The following NRCAM variants were observed in gnomAD, a reference collection of about 807,000 sequenced individuals.
The protein encoded by NRCAM is neuronal cell adhesion molecule.
NRCAM carries 83 observed loss-of-function variants against 156.5 expected under a neutral mutation model. The ratio of observed to expected loss-of-function variants is 0.53; its 90% confidence interval spans 0.44 to 0.64. NRCAM has a LOEUF of 0.64. Among genes scored for constraint, NRCAM ranks in the 30% least tolerant of loss-of-function variants. The probability of loss-of-function intolerance (pLI) is 0.00; values close to 1 mark genes in which losing one functional copy is unlikely to be tolerated. For synonymous variants in NRCAM, 538 were observed against 563.9 expected, an observed-to-expected ratio of 0.95 and a Z score of 0.65; for missense variants, 1,417 against 1,597.3, an observed-to-expected ratio of 0.89 and a Z score of 1.92.
At chr7:108,419,950 A>G (rs1054069725) in intron 1 of NRCAM, among the ~76,000 whole-genome samples, 9 of 152,046 alleles carry the variant, frequency 5.9e-5, no homozygotes, top group African/African-American at 1.9e-4. Flanking sequence ...TTGGTTTTCC[A>G]TTTTATGTAC....
intron 3 of NRCAM, among the ~76,000 whole-genome samples, chr7:108,242,854 T>G (rs576854325): frequency 1.3e-5 from 2 of 152,226 alleles, no homozygotes. Context: ...AAGTTCTTCA[T>G]GTATTTTGTC....
chr7:108,322,154 GT>G (rs148011849), intron 2 of NRCAM, among the ~76,000 whole-genome samples: 12,747 of 151,680 alleles, frequency 0.084, 545 homozygotes, highest in Middle Eastern at 0.15. Flanking sequence ...TAGACATTTC[GT>G]TTTTTTTCAA....
Position 108,432,715 on chromosome 7 carries a change from C to G in NRCAM, c.-332+23528G>C, listed in dbSNP as rs375264891. Among the ~76,000 whole-genome samples the G allele has an allele frequency of 2.6e-5, 4 of 152,132 alleles. No individual in the cohort carries two copies. The East Asian group carries it at 7.7e-4, about 29-fold the overall frequency. ...ATCAAGAGTTCGAGACCAACCTGGT[C>G]AATATGTGAAACCCCATCTCTATTA... On this transcript the variant is annotated intron_variant, in intron 1 of 32. Coordinates refer to ENST00000379028, the MANE Select transcript of NRCAM (RefSeq NM_001037132.4).
intron 3 of NRCAM, among the ~76,000 whole-genome samples, chr7:108,252,900 G>T (rs1259873317): frequency 1.3e-5 from 2 of 152,242 alleles, no homozygotes; most frequent in Non-Finnish European, 2.9e-5. Context: ...TCTCTACATT[G>T]CATGCTGAAC....
At chr7:108,302,816 T>A (rs1324587824) in intron 3 of NRCAM, among the ~76,000 whole-genome samples, 1 of 152,252 alleles carries the variant, frequency 6.6e-6, no homozygotes, top group Non-Finnish European at 1.5e-5. Context: ...CATATATCAC[T>A]TCTCACTCAA....
chr7:108,359,386 G>A (rs1351301623), intron 2 of NRCAM, among the ~76,000 whole-genome samples: 1 of 152,178 alleles, frequency 6.6e-6, no homozygotes, highest in Non-Finnish European at 1.5e-5. Context: ...AAAGCTACCA[G>A]GACAGGTGTT....
chr7:108,404,397 T>C (rs1283249897), intron 1 of NRCAM, among the ~76,000 whole-genome samples: 1 of 152,208 alleles, frequency 6.6e-6, no homozygotes. Context: ...CAATTTATGT[T>C]CTATGGCATT....
At chr7:108,302,005 T>C (rs1194422901) in intron 3 of NRCAM, among the ~76,000 whole-genome samples, 3 of 151,632 alleles carry the variant, frequency 2.0e-5, no homozygotes, top group Admixed American at 6.6e-5. Context: ...ACCTTAAACA[T>C]GTGGCCTGTG....
intron 11 of NRCAM, among the ~76,000 whole-genome samples, chr7:108,218,688 A>G (rs186936992): frequency 4.3e-4 from 65 of 152,172 alleles, no homozygotes; most frequent in African/African-American, 1.5e-3. Context: ...ACCTATCAAA[A>G]CCTCTGGGAT....
intron 3 of NRCAM, among the ~76,000 whole-genome samples, chr7:108,282,621 C>T (rs111597472): frequency 1.3e-5 from 2 of 152,234 alleles, no homozygotes; most frequent in Non-Finnish European, 2.9e-5. Flanking sequence ...GCCAAAGCAA[C>T]CCATTTATAA....
chr7:108,434,114 T>C (rs988239689), intron 1 of NRCAM, among the ~76,000 whole-genome samples: 2 of 152,216 alleles, frequency 1.3e-5, no homozygotes, highest in Non-Finnish European at 2.9e-5. Flanking sequence ...ATGACAACTA[T>C]TGAACTCAGG....
intron 20 of NRCAM, among the ~76,000 whole-genome samples, chr7:108,188,494 G>A (rs4730296): frequency 0.71 from 106,939 of 151,502 alleles, 38,978 homozygotes; most frequent in East Asian, 0.96. Flanking sequence ...TAAAATATAA[G>A]CTCCATTACC....
intron 3 of NRCAM, among the ~76,000 whole-genome samples, chr7:108,260,226 A>C (rs2096840485): frequency 6.6e-6 from 1 of 152,206 alleles, no homozygotes; most frequent in South Asian, 2.1e-4. Flanking sequence ...CCTGACGTCC[A>C]AGAAAGGGCA....
intron 2 of NRCAM, among the ~76,000 whole-genome samples, chr7:108,374,327 G>T (rs1208226464): frequency 6.6e-6 from 1 of 152,086 alleles, no homozygotes; most frequent in Non-Finnish European, 1.5e-5. Flanking sequence ...AAAATCTAGT[G>T]TGTACACTCA....
intron 2 of NRCAM, among the ~76,000 whole-genome samples, 180 bp from the exon 3 acceptor site, chr7:108,312,911 A>G (rs541599634): frequency 1.3e-5 from 2 of 152,274 alleles, no homozygotes; most frequent in South Asian, 4.2e-4. Context: ...GGCTTCAATC[A>G]AAAGTGACAG....
intron 2 of NRCAM, among the ~76,000 whole-genome samples, chr7:108,327,328 T>G (rs1371420316): frequency 2.6e-5 from 4 of 152,216 alleles, no homozygotes. Flanking sequence ...AACTGAATAG[T>G]GCAAACTATA....
intron 1 of NRCAM, among the ~76,000 whole-genome samples, chr7:108,403,586 C>T (rs1215269254): frequency 6.6e-6 from 1 of 152,130 alleles, no homozygotes; most frequent in Non-Finnish European, 1.5e-5. Flanking sequence ...CGGACATGAC[C>T]AAGCAATTCA....
chr7:108,431,025 T>C (rs1360008065), intron 1 of NRCAM, among the ~76,000 whole-genome samples: 2 of 152,234 alleles, frequency 1.3e-5, no homozygotes, highest in African/African-American at 4.8e-5. Context: ...ATGCCTGTCA[T>C]GTACATGTTT....
At chr7:108,300,897 T>G (rs2098596888) in intron 3 of NRCAM, among the ~76,000 whole-genome samples, 1 of 152,154 alleles carries the variant, frequency 6.6e-6, no homozygotes, top group African/African-American at 2.4e-5. Flanking sequence ...AAGCTTTTCT[T>G]AAAAAATTAT....
Sources: gnomAD v4.1 joint callset for allele counts (sites outside exome capture counted in the v4.1 genomes callset) on GRCh38, gnomAD v4.1.1 for gene constraint, MANE v1.5 for transcripts, NCBI Gene and HGNC (gene_info 2026-07-23, HGNC 2026-07-21) for gene names.